SND1: variants seen among roughly 807,000 people sequenced by gnomAD.
SND1 encodes staphylococcal nuclease and tudor domain containing 1, also known as staphylococcal nuclease domain-containing protein 1.
A neutral mutation model predicts 121.7 loss-of-function variants in SND1; 38 were observed. That is an observed-to-expected ratio of 0.31 (90% CI 0.24 to 0.41). The LOEUF (loss-of-function observed/expected upper bound fraction) is 0.41, where lower values mean the gene tolerates loss of function less well. Ranked by LOEUF, SND1 falls within the 10% of genes least tolerant of loss-of-function variation. The pLI is 1.00. For missense variants in SND1, 868 were observed against 1,184.6 expected (o/e 0.73, Z 3.92); for synonymous variants, 401 against 447.4 (o/e 0.90, Z 1.31).
intron 15 of SND1, among the ~76,000 whole-genome samples, chr7:127,951,988 C>A (rs1801472958): frequency 6.6e-6 from 1 of 152,060 alleles, no homozygotes; most frequent in African/African-American, 2.4e-5. Context: ...CCACTTTTTC[C>A]CAGAGCAGAA....
chr7:127,654,433 C>G (rs1186190597), intron 1 of SND1, among the ~76,000 whole-genome samples: 1 of 152,144 alleles, frequency 6.6e-6, no homozygotes, highest in Non-Finnish European at 1.5e-5. Flanking sequence ...GCCTGTCTGC[C>G]ACGGCACATG....
In SND1 at chr7:127,972,517, G is replaced by A. The variant is rs1187718116; in HGVS notation, c.1670-18430G>A. 3.3e-5 allele frequency among the ~76,000 whole-genome samples: 5 copies of A among 152,098 alleles called. No individual in the cohort carries two copies. In the East Asian group the frequency reaches 9.7e-4, roughly 29 times the overall value. On this transcript the variant is annotated intron_variant, in intron 15 of 23. Transcript: ENST00000354725. ...AAGTGATCCCCTGTCTTGGCCTCAT[G>A]AAGTGCTGGGATTACAGGTGTGAGC...
chr7:127,791,108 G>T (rs919264999), intron 10 of SND1, among the ~76,000 whole-genome samples: 1 of 150,676 alleles, frequency 6.6e-6, no homozygotes, highest in African/African-American at 2.4e-5. Context: ...AAATAAATCA[G>T]CAGAGTATTG....
At chr7:127,711,361 C>T (rs1407937051) in intron 9 of SND1, among the ~76,000 whole-genome samples, 2 of 152,160 alleles carry the variant, frequency 1.3e-5, no homozygotes, top group Non-Finnish European at 2.9e-5. Context: ...GATAGTTTAG[C>T]TGGATATAGA....
At chr7:127,847,930 A>G (rs1037056454) in intron 12 of SND1, among the ~76,000 whole-genome samples, 2 of 152,182 alleles carry the variant, frequency 1.3e-5, no homozygotes, top group African/African-American at 2.4e-5. Context: ...GGGTAGGTTT[A>G]ACTGGAGGAC....
At chr7:127,776,604 G>C (rs1002172751) in intron 10 of SND1, among the ~76,000 whole-genome samples, 6 of 152,228 alleles carry the variant, frequency 3.9e-5, no homozygotes, top group African/African-American at 1.4e-4. Flanking sequence ...ACTAATCAAA[G>C]GAGGTACATA....
chr7:128,035,168 T>C (rs756793074), intron 16 of SND1, among the ~76,000 whole-genome samples: 2 of 152,240 alleles, frequency 1.3e-5, no homozygotes, highest in Non-Finnish European at 2.9e-5. Flanking sequence ...TAGTCCCCTT[T>C]AGACATGTGA....
intron 12 of SND1, chr7:127,858,528 T>C: frequency 2.1e-6 from 1 of 477,010 alleles, no homozygotes; most frequent in East Asian, 3.9e-5. Flanking sequence ...GTTTATGCAG[T>C]GCAGATCTAA....
intron 12 of SND1, among the ~76,000 whole-genome samples, chr7:127,879,715 A>C (rs909517028): frequency 6.6e-6 from 1 of 152,120 alleles, no homozygotes; most frequent in Non-Finnish European, 1.5e-5. Flanking sequence ...TGGGGAAAGT[A>C]TAGTCAATGT....
At chr7:127,705,054 C>G (rs1249971028) in intron 8 of SND1, 109 bp downstream of exon 8, 3 of 885,992 alleles carry the variant, frequency 3.4e-6, no homozygotes, top group African/African-American at 1.6e-5. Context: ...CATTTTACTT[C>G]AGTAAAGGAG....
chr7:127,995,453 TCCC>T (rs1281307270), intron 16 of SND1, among the ~76,000 whole-genome samples: 1 of 152,206 alleles, frequency 6.6e-6, no homozygotes, highest in Admixed American at 6.5e-5. Context: ...ATTACTAGCA[TCCC>T]CCAGAAGTAG....
At chr7:127,855,366 C>T (rs1799255230) in intron 12 of SND1, among the ~76,000 whole-genome samples, 1 of 152,092 alleles carries the variant, frequency 6.6e-6, no homozygotes, top group African/African-American at 2.4e-5. Flanking sequence ...CCCACCTTGG[C>T]CTCCCAAAGT....
At position 128,086,962 on chromosome 7, in the gene SND1, C is replaced by T. The variant is rs769918250; in HGVS notation, c.2329C>T (p.Leu777=). ...GNREVLPSTR[L]GTLSPAFSTR... is the part of the protein sequence containing the mutation. ...GAGAGAGGTCCTGCCATCCACCCGC[C>T]TGGGTACCCTATCACCTGCCTTCAG... is the stretch of plus-strand genomic sequence containing the variant. The change falls in exon 21 of 24, where the codon CTG becomes TTG. Residue 777 remains leucine, a synonymous_variant. Coordinates refer to ENST00000354725, the MANE Select transcript of SND1 (RefSeq NM_014390.4). The T allele has an allele frequency of 1.9e-6, 3 of 1,614,202 alleles. No individual in the cohort carries two copies. In the South Asian group the frequency reaches 3.3e-5, roughly 18 times the overall value.
intron 11 of SND1, among the ~76,000 whole-genome samples, chr7:127,819,346 C>A (rs1798503675): frequency 6.6e-6 from 1 of 152,180 alleles, no homozygotes; most frequent in African/African-American, 2.4e-5. Context: ...GAATTCATTT[C>A]TTTCATTGTT....
At position 127,887,960 on chromosome 7, in the gene SND1, G is replaced by A; in HGVS notation, c.1402G>A (p.Asp468Asn). The A allele has an allele frequency of 6.2e-7, 1 of 1,612,388 alleles. No homozygotes were observed. The highest frequency in any genetic ancestry group is 8.5e-7 in the Non-Finnish European group (1 of 1,178,966). The change falls in exon 13 of 24, where the codon GAT (aspartate) becomes AAT (asparagine). Residue 468 changes from aspartate (D) to asparagine (N), a missense_variant. This residue lies in a region of SND1 where 743 missense variants were observed against 1,071.3 expected (regional missense o/e 0.69). Coordinates refer to ENST00000354725, the MANE Select transcript of SND1 (RefSeq NM_014390.4). ...GLATVIRYRQDDDQRSSHYDE... is the reference protein window; with the variant it reads ...GLATVIRYRQNDDQRSSHYDE... ...AGCCACAGTGATCAGATACCGGCAG[G>A]ATGATGACCAGAGATCATCACACTA...
chr7:128,037,215 T>C (rs997797611), intron 16 of SND1, among the ~76,000 whole-genome samples: 4 of 152,222 alleles, frequency 2.6e-5, no homozygotes, highest in African/African-American at 9.6e-5. Context: ...CCAGAGGCCG[T>C]AGGGGAGAAT....
At chr7:128,024,170 C>T (rs576894431) in intron 16 of SND1, among the ~76,000 whole-genome samples, 152 of 152,056 alleles carry the variant, frequency 1.0e-3, no homozygotes, top group African/African-American at 3.6e-3. Context: ...ATGAAAACAA[C>T]TTATCCTACT....
At chr7:127,866,568 C>T (rs1218577564) in intron 12 of SND1, among the ~76,000 whole-genome samples, 1 of 152,090 alleles carries the variant, frequency 6.6e-6, no homozygotes, top group Admixed American at 6.5e-5. Context: ...TCTTGCCATC[C>T]CTCCACTCCA....
intron 1 of SND1, among the ~76,000 whole-genome samples, chr7:127,656,324 C>CTTTTTTTT (rs1163685188): frequency 7.3e-6 from 1 of 137,374 alleles, no homozygotes. Context: ...TTCTTTCTTT[C>CTTTTTTTT]TTTTTTTTTT....
Sources: allele counts gnomAD v4.1 joint callset (sites outside exome capture counted in the v4.1 genomes callset), GRCh38; gene constraint gnomAD v4.1.1; regional missense constraint gnomAD v4.1.1; transcripts MANE v1.5; gene names NCBI Gene and HGNC (gene_info 2026-07-23, HGNC 2026-07-21).